Variants in EYA2 observed in about 807,000 individuals in gnomAD.
EYA2 encodes the protein EYA transcriptional coactivator and phosphatase 2, also known as protein phosphatase EYA2.
In EYA2, 31 loss-of-function variants were observed where a neutral mutation model predicts 69.2. The observed-to-expected ratio is 0.45, with a 90% CI of 0.34 to 0.60. EYA2 has a LOEUF of 0.60. Among genes scored for constraint, EYA2 ranks in the 20% least tolerant of loss-of-function variants. The pLI is 0.02. For missense variants in EYA2, 622 were observed against 701.2 expected (o/e 0.89, Z 1.28); for synonymous variants, 257 against 279.4 (o/e 0.92, Z 0.80).
At chr20:46,947,760 G>A (rs1157573882) in intron 1 of EYA2, among the ~76,000 whole-genome samples, 1 of 152,132 alleles carries the variant, frequency 6.6e-6, no homozygotes, top group Non-Finnish European at 1.5e-5. Flanking sequence ...ATAGAGTGAA[G>A]AAGTGCAGCC....
At chr20:47,187,331 T>G (rs1445356551) in intron 15 of EYA2, among the ~76,000 whole-genome samples, 3 of 151,236 alleles carry the variant, frequency 2.0e-5, no homozygotes, top group African/African-American at 4.9e-5. Context: ...ATCATGTCAC[T>G]GCACTCTAGC....
At chr20:46,914,675 C>A (rs941710906) in intron 1 of EYA2, among the ~76,000 whole-genome samples, 1 of 152,204 alleles carries the variant, frequency 6.6e-6, no homozygotes, top group Non-Finnish European at 1.5e-5. Flanking sequence ...TCAATTATCT[C>A]CACCTAGTCC....
chr20:47,025,568 C>T (rs1984032188), intron 5 of EYA2, among the ~76,000 whole-genome samples: 1 of 152,160 alleles, frequency 6.6e-6, no homozygotes. Flanking sequence ...TGAGCCAGTT[C>T]CTTACTGGGG....
At position 46,982,503 on chromosome 20, in the gene EYA2, T is replaced by A. The variant is rs78408974; in HGVS notation, c.-10-7498T>A. 1.3e-4 allele frequency among the ~76,000 whole-genome samples: 20 copies of A among 152,310 alleles called. No homozygotes were observed. In the East Asian group the frequency reaches 3.3e-3, roughly 25 times the overall value. On this transcript the variant is annotated intron_variant, in intron 1 of 15. Coordinates refer to ENST00000327619, the MANE Select transcript of EYA2 (RefSeq NM_005244.5). The stretch of plus-strand genomic sequence containing the variant: ...GATATCTGTCATCCATCTGGCAAGG[T>A]CTTCTGTCAGTTTCTCTTTAAATAT...
intron 2 of EYA2, among the ~76,000 whole-genome samples, chr20:46,995,721 TTGC>T (rs1344403659): frequency 1.3e-5 from 2 of 152,218 alleles, no homozygotes; most frequent in East Asian, 3.8e-4. Flanking sequence ...ATAACAGCCG[TTGC>T]TGCTTTCAGA....
At chr20:46,932,815 G>A (rs1403296539) in intron 1 of EYA2, among the ~76,000 whole-genome samples, 2 of 152,096 alleles carry the variant, frequency 1.3e-5, no homozygotes, top group African/African-American at 4.8e-5. Flanking sequence ...GAACCCAGGA[G>A]GCAGAGGTTG....
chr20:47,039,626 C>G (rs542196226), intron 5 of EYA2, among the ~76,000 whole-genome samples: 1 of 152,328 alleles, frequency 6.6e-6, no homozygotes, highest in African/African-American at 2.4e-5. Context: ...ATCACACCCT[C>G]ACTGCCTGAG....
At chr20:47,008,977 C>T (rs1218305660) in intron 4 of EYA2, among the ~76,000 whole-genome samples, 1 of 152,240 alleles carries the variant, frequency 6.6e-6, no homozygotes, top group Non-Finnish European at 1.5e-5. Context: ...TCAGCTCTGC[C>T]ATTGTGGCGT....
intron 11 of EYA2, among the ~76,000 whole-genome samples, chr20:47,170,705 C>A (rs1216984361): frequency 2.6e-5 from 4 of 151,532 alleles, no homozygotes; most frequent in African/African-American, 7.3e-5. Context: ...ATGTTCCAAG[C>A]CTGCCCCTGG....
chr20:46,930,603 A>C (rs1020843488), intron 1 of EYA2, among the ~76,000 whole-genome samples: 2 of 152,176 alleles, frequency 1.3e-5, no homozygotes, highest in African/African-American at 4.8e-5. Context: ...GATGATGACA[A>C]AAAAGGGGGT....
intron 5 of EYA2, among the ~76,000 whole-genome samples, chr20:47,036,691 G>A (rs756685552): frequency 3.3e-5 from 5 of 152,164 alleles, no homozygotes; most frequent in Non-Finnish European, 7.4e-5. Flanking sequence ...CCAGGCAGCC[G>A]GAATCCAAAG....
chr20:47,125,173 C>T (rs1008561386), intron 9 of EYA2, among the ~76,000 whole-genome samples: 8 of 151,696 alleles, frequency 5.3e-5, no homozygotes, highest in Non-Finnish European at 1.2e-4. Flanking sequence ...CCTGCCTTAG[C>T]CTCCCGAGTA....
chr20:47,101,394 CT>C (rs1238732017), intron 9 of EYA2, among the ~76,000 whole-genome samples: 1 of 152,140 alleles, frequency 6.6e-6, no homozygotes, highest in Non-Finnish European at 1.5e-5. Flanking sequence ...GCAAGCCCCA[CT>C]TTTTTAAAGG....
intron 5 of EYA2, among the ~76,000 whole-genome samples, chr20:47,027,775 C>A (rs1984180872): frequency 6.6e-6 from 1 of 152,158 alleles, no homozygotes; most frequent in Non-Finnish European, 1.5e-5. Context: ...CGTGATAGCC[C>A]CTAGCCACAG....
At chr20:46,971,345 C>T (rs901247485) in intron 1 of EYA2, among the ~76,000 whole-genome samples, 1 of 152,210 alleles carries the variant, frequency 6.6e-6, no homozygotes, top group African/African-American at 2.4e-5. Context: ...CCTTAAGGTG[C>T]TGCTCTTTTC....
At chr20:47,144,408 A>G (rs1014844875) in intron 10 of EYA2, among the ~76,000 whole-genome samples, 3 of 152,216 alleles carry the variant, frequency 2.0e-5, no homozygotes, top group Non-Finnish European at 4.4e-5. Context: ...ACTGTATACA[A>G]AAAAACAATT....
Position 47,121,942 on chromosome 20 carries a change from C to T in EYA2, c.889-21117C>T, listed in dbSNP as rs942145418. 2.0e-5 allele frequency among the ~76,000 whole-genome samples: 3 copies of T among 152,344 alleles called. No individual in the cohort carries two copies. In the East Asian group the frequency reaches 5.8e-4, roughly 29 times the overall value. On this transcript the variant is annotated intron_variant, in intron 9 of 15. Transcript: ENST00000327619. ...AACCCCAGCTCCTTCCTCGGCCAGA[C>T]ATCACACTGAGGGCATCTGCAGGCC...
At chr20:47,100,000 G>A (rs2032378472) in intron 9 of EYA2, among the ~76,000 whole-genome samples, 1 of 61,622 alleles carries the variant, frequency 1.6e-5, no homozygotes, top group East Asian at 5.1e-4. Context: ...CGAGGACAGG[G>A]ACCTTTGGTT....
chr20:46,921,981 G>A (rs1323165724), intron 1 of EYA2, among the ~76,000 whole-genome samples: 1 of 152,128 alleles, frequency 6.6e-6, no homozygotes, highest in East Asian at 1.9e-4. Flanking sequence ...AAACCCTCTT[G>A]TAAGTGTTTT....
Sources: allele counts gnomAD v4.1 joint callset (sites outside exome capture counted in the v4.1 genomes callset), GRCh38; gene constraint gnomAD v4.1.1; transcripts MANE v1.5; gene names NCBI Gene and HGNC (gene_info 2026-07-23, HGNC 2026-07-21).